SPINK9: variants seen among roughly 807,000 people sequenced by gnomAD.
The protein encoded by SPINK9 is serine protease inhibitor Kazal-type 9.
SPINK9 carries 3 observed loss-of-function variants against 10.8 expected under a neutral mutation model. The observed-to-expected ratio is 0.28, with a 90% CI of 0.13 to 0.72. The LOEUF (loss-of-function observed/expected upper bound fraction) is 0.72. Among genes scored for constraint, SPINK9 ranks in the 30% least tolerant of loss-of-function variants. SPINK9 has a pLI of 0.74. For synonymous variants in SPINK9, 30 were observed against 31.2 expected (o/e 0.96, Z 0.12); for missense variants, 101 against 103.2 (o/e 0.98, Z 0.09).
At chr5:148,327,520 T>G (rs983641389) in intron 2 of SPINK9, among the ~76,000 whole-genome samples, 1 of 152,206 alleles carries the variant, frequency 6.6e-6, no homozygotes, top group Non-Finnish European at 1.5e-5. Context: ...TTAGTTGCCA[T>G]TTGTCAATTT....
intron 2 of SPINK9, among the ~76,000 whole-genome samples, chr5:148,336,884 T>C (rs1581190477): frequency 6.6e-6 from 1 of 152,184 alleles, no homozygotes; most frequent in African/African-American, 2.4e-5. Flanking sequence ...TAGCCTTCCA[T>C]TCATGACTCA....
At chr5:148,333,256 AT>A (rs1236728287), upstream of SPINK9, among the ~76,000 whole-genome samples, 1 of 152,192 alleles carries the variant, frequency 6.6e-6, no homozygotes, top group East Asian at 1.9e-4. Flanking sequence ...TTTACATAGC[AT>A]TTTCCAACTC....
intron 2 of SPINK9, among the ~76,000 whole-genome samples, chr5:148,325,338 A>G (rs1757045359): frequency 6.6e-6 from 1 of 152,114 alleles, no homozygotes; most frequent in African/African-American, 2.4e-5. Flanking sequence ...AGGAGCTACC[A>G]AACTATTTTT....
chr5:148,321,382 C>T (rs938759239), exon 1 of SPINK9: 10 of 152,050 alleles, frequency 6.6e-5, no homozygotes, highest in South Asian at 6.2e-4. Context: ...GGAGCCGATG[C>T]GATCAACTGG....
intron 2 of SPINK9, chr5:148,323,901 T>C (rs1757027502): frequency 2.9e-6 from 2 of 680,218 alleles, no homozygotes; most frequent in Non-Finnish European, 5.3e-6. Flanking sequence ...TTAATGTGTA[T>C]CTAAAGTATT....
chr5:148,336,062 C>T (rs1338845537), intron 1 of SPINK9, among the ~76,000 whole-genome samples: 1 of 152,070 alleles, frequency 6.6e-6, no homozygotes, highest in Non-Finnish European at 1.5e-5. Flanking sequence ...ACCACTGTTC[C>T]AACATCTGTC....
At chr5:148,323,758 T>C (rs1318299727) in exon 2 of SPINK9, 10 of 700,006 alleles carry the variant, frequency 1.4e-5, no homozygotes, top group Admixed American at 1.2e-4. Context: ...TTTATGGTCT[T>C]TATGAATCCT....
chr5:148,324,729 T>A (rs1561765152), intron 2 of SPINK9, among the ~76,000 whole-genome samples: 2 of 152,020 alleles, frequency 1.3e-5, no homozygotes, highest in East Asian at 3.9e-4. Context: ...ATTATTATTA[T>A]TAATGGGAAA....
intron 1 of SPINK9, among the ~76,000 whole-genome samples, chr5:148,322,747 T>G (rs1757013468): frequency 6.6e-6 from 1 of 152,204 alleles, no homozygotes; most frequent in Non-Finnish European, 1.5e-5. Flanking sequence ...TAAATAACGT[T>G]TGTTCTGCAG....
chr5:148,331,016 C>A (rs1444130355), upstream of SPINK9, among the ~76,000 whole-genome samples: 3 of 152,238 alleles, frequency 2.0e-5, no homozygotes, highest in Non-Finnish European at 4.4e-5. Context: ...AAAGGGAATT[C>A]CCTGACCCCT....
At chr5:148,324,057 C>A (rs1757028981) in intron 2 of SPINK9, among the ~76,000 whole-genome samples, 1 of 152,112 alleles carries the variant, frequency 6.6e-6, no homozygotes, top group Non-Finnish European at 1.5e-5. Context: ...GATCTGAATG[C>A]CCATCCTTCT....
intron 2 of SPINK9, among the ~76,000 whole-genome samples, chr5:148,324,710 CTTATTATTA>C (rs3036873): frequency 2.6e-5 from 4 of 150,984 alleles, no homozygotes; most frequent in Admixed American, 6.6e-5. Flanking sequence ...CTGAATGGGT[CTTATTATTA>C]TTATTATTAT....
intron 2 of SPINK9, chr5:148,323,882 G>C (rs759704934): frequency 1.5e-6 from 1 of 689,356 alleles, no homozygotes; most frequent in African/African-American, 1.8e-5. Context: ...TGTAGCCCGC[G>C]AAAGTAATTT....
chr5:148,336,330 C>T, intron 1 of SPINK9, 92 bp from the exon 2 acceptor site: 6 of 1,344,734 alleles, frequency 4.5e-6, no homozygotes, highest in Non-Finnish European at 6.4e-6. Context: ...TTATGACAGG[C>T]TGAAAGCTAA....
upstream of SPINK9, among the ~76,000 whole-genome samples, chr5:148,334,579 C>T (rs1414733149): frequency 6.6e-6 from 1 of 152,000 alleles, no homozygotes; most frequent in Admixed American, 6.6e-5. Context: ...GGTGTGGTGG[C>T]ATGCTCCTGT....
At chr5:148,331,079 C>T (rs1269038025), upstream of SPINK9, among the ~76,000 whole-genome samples, 1 of 152,216 alleles carries the variant, frequency 6.6e-6, no homozygotes. Context: ...ACGCACGGTG[C>T]GCTGCACCCA....
At chr5:148,322,396 G>C (rs918159263) in intron 1 of SPINK9, among the ~76,000 whole-genome samples, 1 of 152,060 alleles carries the variant, frequency 6.6e-6, no homozygotes, top group Non-Finnish European at 1.5e-5. Context: ...CAAAATATAC[G>C]TCTTTACTTT....
In SPINK9 at chr5:148,339,794, A is replaced by T; in HGVS notation, c.*82A>T. ...TCTGTTCCCATATTATCTATGCCAC[A>T]TTGCCTACTCATCACCATATGTAGA... On this transcript the variant is annotated 3_prime_UTR_variant, in exon 4 of 4. Transcript: ENST00000377906. 1 of 1,151,604 alleles carries T rather than the reference A, an allele frequency of 8.7e-7. No homozygotes were observed. The highest frequency in any genetic ancestry group is 1.3e-6 in the Non-Finnish European group (1 of 768,528). 71.3% of individuals were successfully genotyped at this position (1,151,604 alleles called of 1,614,324 possible). A position where few individuals can be genotyped will look rare whatever the true frequency, so the allele number is the denominator to read the frequency against.
chr5:148,327,057 TTTCTAG>T (rs996005525), intron 2 of SPINK9, among the ~76,000 whole-genome samples: 3 of 152,150 alleles, frequency 2.0e-5, no homozygotes, highest in Non-Finnish European at 4.4e-5. Flanking sequence ...TCAAATGGTA[TTTCTAG>T]TTCTAGATCC....
Sources: allele counts gnomAD v4.1 joint callset (sites outside exome capture counted in the v4.1 genomes callset), GRCh38; gene constraint gnomAD v4.1.1; transcripts MANE v1.5; gene names NCBI Gene and HGNC (gene_info 2026-07-23, HGNC 2026-07-21).